Variants in REEP1 observed in about 807,000 individuals in gnomAD.
REEP1 encodes the protein receptor expression-enhancing protein 1.
A neutral mutation model predicts 40.3 loss-of-function variants in REEP1; 22 were observed. The ratio of observed to expected loss-of-function variants is 0.55; its 90% CI spans 0.39 to 0.78. The LOEUF (loss-of-function observed/expected upper bound fraction) is 0.78, where lower values mean the gene tolerates loss of function less well. Among genes scored for constraint, REEP1 ranks in the 30% least tolerant of loss-of-function variants. REEP1 has a pLI of 0.00. For synonymous variants in REEP1, 116 were observed against 139.2 expected (o/e 0.83, Z 1.17); for missense variants, 280 against 361.1 (o/e 0.78, Z 1.82).
At chr2:86,228,751 C>T (rs941484844) in intron 6 of REEP1, among the ~76,000 whole-genome samples, 1 of 152,204 alleles carries the variant, frequency 6.6e-6, no homozygotes, top group Admixed American at 6.5e-5. Flanking sequence ...AGTCACCGCG[C>T]CTGGCAACCC....
chr2:86,311,186 T>C (rs995296830), intron 1 of REEP1, among the ~76,000 whole-genome samples: 1 of 150,678 alleles, frequency 6.6e-6, no homozygotes, highest in African/African-American at 2.5e-5. Context: ...TAGATGGAAT[T>C]ATTAAAATAA....
chr2:86,235,406 T>G (rs1369357119), intron 5 of REEP1, among the ~76,000 whole-genome samples: 1 of 152,226 alleles, frequency 6.6e-6, no homozygotes, highest in Non-Finnish European at 1.5e-5. Flanking sequence ...ATTACATCCT[T>G]AAGATACCCA....
At chr2:86,297,073 G>C (rs748225834) in intron 1 of REEP1, among the ~76,000 whole-genome samples, 11 of 152,194 alleles carry the variant, frequency 7.2e-5, no homozygotes, top group Non-Finnish European at 1.6e-4. Flanking sequence ...GCCCCTTGCT[G>C]AGGGCCTACT....
intron 1 of REEP1, among the ~76,000 whole-genome samples, chr2:86,304,900 C>T (rs957692603): frequency 2.0e-5 from 3 of 152,198 alleles, no homozygotes. Flanking sequence ...GGGGTGGCCA[C>T]ATCTGGCCAA....
At chr2:86,304,002 T>A (rs1433826679) in intron 1 of REEP1, among the ~76,000 whole-genome samples, 1 of 152,120 alleles carries the variant, frequency 6.6e-6, no homozygotes, top group African/African-American at 2.4e-5. Context: ...GCCGACCTAC[T>A]AGCACAGGGT....
chr2:86,337,839 C>T (rs1347812813), upstream of REEP1, among the ~76,000 whole-genome samples: 9 of 152,098 alleles, frequency 5.9e-5, no homozygotes, highest in South Asian at 1.7e-3. This position sits in a 1 kb window ranked among gnomAD's most constrained non-coding sequence, Gnocchi z 5.8. Context: ...GGGGCACCGG[C>T]CCCGCCAAAG....
chr2:86,327,381 G>T (rs1337124644), intron 1 of REEP1, among the ~76,000 whole-genome samples: 1 of 152,000 alleles, frequency 6.6e-6, no homozygotes, highest in African/African-American at 2.4e-5. Context: ...GGACAAGCTT[G>T]CCACCTTCTA....
At chr2:86,238,393 C>T (rs1675476491) in intron 5 of REEP1, among the ~76,000 whole-genome samples, 1 of 152,178 alleles carries the variant, frequency 6.6e-6, no homozygotes, top group African/African-American at 2.4e-5. Flanking sequence ...TCACTACAGC[C>T]TTTGAGCTGT....
At chr2:86,322,344 G>C (rs1680304211) in intron 1 of REEP1, among the ~76,000 whole-genome samples, 1 of 152,104 alleles carries the variant, frequency 6.6e-6, no homozygotes, top group Non-Finnish European at 1.5e-5. Flanking sequence ...AGGAGTTCAA[G>C]ACCAGCCTGG....
intron 5 of REEP1, among the ~76,000 whole-genome samples, chr2:86,244,648 T>G (rs1027878303): frequency 1.3e-5 from 2 of 152,062 alleles, no homozygotes; most frequent in Non-Finnish European, 2.9e-5. Flanking sequence ...GTGAACCTTA[T>G]ATACAGAGGC....
intron 1 of REEP1, among the ~76,000 whole-genome samples, chr2:86,298,575 G>A (rs1019588280): frequency 1.6e-4 from 25 of 152,188 alleles, no homozygotes; most frequent in African/African-American, 5.3e-4. Context: ...GCCTGCAGTC[G>A]GACCCAGGTC....
Position 86,337,535 on chromosome 2 carries a change from C to T in REEP1, c.-25G>A. ...TGGCGGGCAGGCGGGCGGGCGAGGC[C>T]CGGGCGGCGCGGCTCGGCTAGGCTG... On this transcript the variant is annotated 5_prime_UTR_variant, in exon 1 of 9. Coordinates refer to ENST00000538924, the MANE Select transcript of REEP1 (RefSeq NM_001371279.1). The surrounding 1 kb of genome is among the most constrained non-coding windows in gnomAD (Gnocchi z 5.8). The T allele has an allele frequency of 8.0e-7, 1 of 1,246,300 alleles. No individual in the cohort carries two copies. Among genetic ancestry groups the T allele is most frequent in the Non-Finnish European group, 1.0e-6 (1 of 993,784 alleles). The allele number at this position is 1,246,300 out of a possible 1,614,324, so 77.2% of individuals were successfully genotyped here.
At position 86,267,011 on chromosome 2, in the gene REEP1, G is replaced by GA. The variant is rs57603152; in HGVS notation, c.106-2971dup. ...GACAGAGCAAGACTCTGTCTCAGGG[G>GA]AAAAAAAAAACAAAAAAAAACAACC... On this transcript the variant is annotated intron_variant, in intron 2 of 8. Transcript: ENST00000538924. Among the ~76,000 whole-genome samples, 62 of 100,652 alleles carry GA rather than the reference G, an allele frequency of 6.2e-4. No homozygotes were observed. The South Asian group carries it at 7.2e-3, about 12-fold the overall frequency. 66.0% of individuals were successfully genotyped at this position (100,652 alleles called of 152,430 possible). A position where few individuals can be genotyped will look rare whatever the true frequency, so the allele number is the denominator to read the frequency against.
At chr2:86,268,680 A>G (rs1677275298) in intron 2 of REEP1, among the ~76,000 whole-genome samples, 1 of 152,214 alleles carries the variant, frequency 6.6e-6, no homozygotes. Flanking sequence ...ATATAATACA[A>G]AAGAAGAACA....
chr2:86,246,647 T>C (rs745903454), intron 5 of REEP1, among the ~76,000 whole-genome samples: 1 of 152,118 alleles, frequency 6.6e-6, no homozygotes, highest in Non-Finnish European at 1.5e-5. Context: ...AAAATTTTTG[T>C]TCAGTGGTTC....
chr2:86,305,349 A>G (rs998881127), intron 1 of REEP1, among the ~76,000 whole-genome samples: 9 of 152,052 alleles, frequency 5.9e-5, no homozygotes, highest in Middle Eastern at 3.2e-3. Context: ...CTTTCTGTGT[A>G]CCCGTTTCCT....
intron 5 of REEP1, among the ~76,000 whole-genome samples, chr2:86,242,602 C>A (rs573346985): frequency 6.6e-6 from 1 of 151,938 alleles, no homozygotes; most frequent in South Asian, 2.1e-4. Flanking sequence ...AAGGCAGAGG[C>A]AAGAAAGAGA....
At chr2:86,219,862 T>C (rs1186183453) in intron 8 of REEP1, 108 bp downstream of exon 8, 7 of 796,760 alleles carry the variant, frequency 8.8e-6, no homozygotes, top group East Asian at 3.4e-5. Context: ...ACCCCAGGTA[T>C]TGAGGAGATG....
intron 5 of REEP1, among the ~76,000 whole-genome samples, chr2:86,240,583 C>G (rs1390787344): frequency 6.6e-6 from 1 of 152,112 alleles, no homozygotes; most frequent in African/African-American, 2.4e-5. Flanking sequence ...GGTGAGTGAA[C>G]CCACCTGGGG....
Sources: allele counts gnomAD v4.1 joint callset (sites outside exome capture counted in the v4.1 genomes callset), GRCh38; gene constraint gnomAD v4.1.1; non-coding constraint Gnocchi (gnomAD v3.1); transcripts MANE v1.5; gene names NCBI Gene and HGNC (gene_info 2026-07-23, HGNC 2026-07-21).